The following SGCZ variants were observed in gnomAD, a reference collection of about 807,000 sequenced individuals.
The protein encoded by SGCZ is zeta-sarcoglycan.
Under a neutral mutation model 41.3 loss-of-function variants are expected in SGCZ, and 40 were observed. The ratio of observed to expected loss-of-function variants is 0.97; its 90% CI spans 0.75 to 1.26. The LOEUF is 1.26. SGCZ is among the 50% of genes most tolerant of loss of function. The pLI is 0.00. For synonymous variants in SGCZ, 206 were observed against 137.5 expected (o/e 1.50, Z -3.49); for missense variants, 552 against 369.8 (o/e 1.49, Z -4.04).
At chr8:14,769,793 T>TTAAAAAAAAAAA (rs1800170910) in intron 1 of SGCZ, among the ~76,000 whole-genome samples, 4 of 52,196 alleles carry the variant, frequency 7.7e-5, no homozygotes, top group Non-Finnish European at 1.3e-4. Context: ...AAAACACCAT[T>TTAAAAAAAAAAA]AAAAAAAAAA....
chr8:14,875,625 C>T (rs1406961863), intron 1 of SGCZ, among the ~76,000 whole-genome samples: 1 of 152,080 alleles, frequency 6.6e-6, no homozygotes, highest in African/African-American at 2.4e-5. Flanking sequence ...GTTTTCTCAT[C>T]TGTAAAGTGA....
At chr8:15,188,240 G>GAA (rs1471063536) in intron 1 of SGCZ, among the ~76,000 whole-genome samples, 1 of 151,990 alleles carries the variant, frequency 6.6e-6, no homozygotes, top group East Asian at 1.9e-4. Flanking sequence ...ATGGACACAA[G>GAA]AAAAATTAGT....
chr8:14,566,938 C>T (rs1190242357), intron 1 of SGCZ, among the ~76,000 whole-genome samples: 1 of 152,194 alleles, frequency 6.6e-6, no homozygotes, highest in Non-Finnish European at 1.5e-5. Flanking sequence ...GCTGGCCCCG[C>T]CAGCTGGCCC....
At chr8:14,915,290 T>C (rs998615439) in intron 1 of SGCZ, among the ~76,000 whole-genome samples, 2 of 152,154 alleles carry the variant, frequency 1.3e-5, no homozygotes, top group African/African-American at 4.8e-5. Flanking sequence ...ACTTGGAAGA[T>C]TAAGCACTCT....
intron 1 of SGCZ, among the ~76,000 whole-genome samples, chr8:14,885,164 C>T (rs1173686043): frequency 6.6e-6 from 1 of 152,122 alleles, no homozygotes; most frequent in East Asian, 1.9e-4. Flanking sequence ...GTATCACATA[C>T]GAATCTCTAT....
At chr8:14,272,618 C>T (rs1800100251) in intron 3 of SGCZ, among the ~76,000 whole-genome samples, 1 of 152,144 alleles carries the variant, frequency 6.6e-6, no homozygotes, top group Non-Finnish European at 1.5e-5. Flanking sequence ...CTGTATGGTA[C>T]CTCCTTTCAA....
intron 1 of SGCZ, among the ~76,000 whole-genome samples, chr8:14,943,499 T>C (rs1246970466): frequency 1.3e-5 from 2 of 152,158 alleles, no homozygotes; most frequent in Non-Finnish European, 2.9e-5. Flanking sequence ...AGCTGGAAGA[T>C]AACTAGGTGT....
chr8:14,793,999 G>T (rs915418401), intron 1 of SGCZ, among the ~76,000 whole-genome samples: 5 of 152,006 alleles, frequency 3.3e-5, no homozygotes, highest in African/African-American at 7.2e-5. Context: ...CCAAAAAACT[G>T]GAATACTGTA....
At chr8:14,812,669 G>T (rs138034645) in intron 1 of SGCZ, among the ~76,000 whole-genome samples, 1 of 151,980 alleles carries the variant, frequency 6.6e-6, no homozygotes, top group Non-Finnish European at 1.5e-5. Flanking sequence ...TAATTCTTGC[G>T]CATTATAACT....
At chr8:14,115,970 A>G (rs1802510054) in intron 5 of SGCZ, among the ~76,000 whole-genome samples, 1 of 152,094 alleles carries the variant, frequency 6.6e-6, no homozygotes, top group South Asian at 2.1e-4. Flanking sequence ...CATACCGACC[A>G]TTACCAAATG....
At chr8:15,206,764 A>G (rs941370501) in intron 1 of SGCZ, among the ~76,000 whole-genome samples, 2 of 150,748 alleles carry the variant, frequency 1.3e-5, no homozygotes, top group East Asian at 1.9e-4. Context: ...GTCTTTAATG[A>G]GCAACTAAAG....
intron 1 of SGCZ, among the ~76,000 whole-genome samples, chr8:14,928,625 G>T (rs974202782): frequency 6.6e-6 from 1 of 152,150 alleles, no homozygotes; most frequent in African/African-American, 2.4e-5. Flanking sequence ...AATTTGTGGA[G>T]AATTATATTA....
rs1237395524 is a variant in SGCZ, at chr8:14,137,826, A to G, written c.547+26754T>C. Among the ~76,000 whole-genome samples, 4 of 152,302 alleles carry G rather than the reference A, an allele frequency of 2.6e-5. No individual in the cohort carries two copies. In the East Asian group the frequency reaches 7.7e-4, roughly 29 times the overall value. On this transcript the variant is annotated intron_variant, in intron 5 of 7. Transcript: ENST00000382080. ...CAACATTGAAATTCAGGAAATACAG[A>G]GAACGCCACAAAGATACTCCTCAAG...
At chr8:14,525,157 T>TAGA (rs1339322359) in intron 2 of SGCZ, among the ~76,000 whole-genome samples, 1 of 110,868 alleles carries the variant, frequency 9.0e-6, no homozygotes, top group African/African-American at 3.7e-5. Context: ...GATAGATAGA[T>TAGA]AGATAGATAG....
chr8:15,226,955 C>G (rs570339944), intron 1 of SGCZ, among the ~76,000 whole-genome samples: 1 of 152,214 alleles, frequency 6.6e-6, no homozygotes, highest in South Asian at 2.1e-4. Context: ...TGGTGAAATA[C>G]TAAACAAGAC....
At chr8:14,414,216 G>GACACA (rs1563313821) in intron 2 of SGCZ, among the ~76,000 whole-genome samples, 14 of 151,376 alleles carry the variant, frequency 9.2e-5, no homozygotes, top group Non-Finnish European at 2.1e-4. Flanking sequence ...ATACAGACAC[G>GACACA]CACACGCTAG....
intron 1 of SGCZ, among the ~76,000 whole-genome samples, chr8:14,644,673 G>A (rs1447074152): frequency 6.6e-6 from 1 of 151,498 alleles, no homozygotes; most frequent in Non-Finnish European, 1.5e-5. Flanking sequence ...CTCTATTATG[G>A]CATGCTTCAA....
At chr8:14,175,216 C>A (rs1467518998) in intron 4 of SGCZ, among the ~76,000 whole-genome samples, 1 of 151,804 alleles carries the variant, frequency 6.6e-6, no homozygotes, top group Non-Finnish European at 1.5e-5. Context: ...GGTTGAATGG[C>A]CAAAGATATT....
Position 14,228,319 on chromosome 8 carries a change from A to G in SGCZ, c.424+9273T>C, listed in dbSNP as rs567621557. Among the ~76,000 whole-genome samples, 202 of 152,226 alleles carry G rather than the reference A, an allele frequency of 1.3e-3. 1 individual carries two copies. Among genetic ancestry groups the G allele is most frequent in the African/African-American group, 4.5e-3 (188 of 41,564 alleles). On this transcript the variant is annotated intron_variant, in intron 4 of 7. Coordinates refer to ENST00000382080, the MANE Select transcript of SGCZ (RefSeq NM_139167.4). ...AGCTATAGACTCATTAATTTCAGAT[A>G]AGGTATGTAGTCATAAGGTCTAATA...
Sources: gnomAD v4.1 joint callset for allele counts (sites outside exome capture counted in the v4.1 genomes callset) on GRCh38, gnomAD v4.1.1 for gene constraint, MANE v1.5 for transcripts, NCBI Gene and HGNC (gene_info 2026-07-23, HGNC 2026-07-21) for gene names.